The following VPS13B variants were observed in gnomAD, a reference collection of about 807,000 sequenced individuals.
VPS13B encodes the protein intermembrane lipid transfer protein VPS13B.
Under a neutral mutation model 426.4 loss-of-function variants are expected in VPS13B, and 285 were observed. The observed-to-expected ratio is 0.67, with a 90% confidence interval of 0.61 to 0.74. The LOEUF is 0.74. Ranked by LOEUF, VPS13B falls within the 30% of genes least tolerant of loss-of-function variation. VPS13B has a pLI of 0.00. For synonymous variants in VPS13B, 1,676 were observed against 1,676.4 expected, an observed-to-expected ratio of 1.00 and a Z score of 0.01; for missense variants, 4,537 against 4,782.6, an observed-to-expected ratio of 0.95 and a Z score of 1.51.
At chr8:99,741,937 A>T (rs1296192941) in intron 39 of VPS13B, among the ~76,000 whole-genome samples, 2 of 152,174 alleles carry the variant, frequency 1.3e-5, no homozygotes. Context: ...GAGCAAACAC[A>T]TTCAAAAGCT....
chr8:99,829,987 G>A (rs1240530302), intron 51 of VPS13B, among the ~76,000 whole-genome samples: 2 of 152,194 alleles, frequency 1.3e-5, no homozygotes, highest in East Asian at 3.9e-4. Flanking sequence ...TCCCAGAGGG[G>A]CACCCACCAG....
intron 30 of VPS13B, among the ~76,000 whole-genome samples, chr8:99,539,806 A>G (rs976211142): frequency 6.6e-5 from 10 of 151,488 alleles, no homozygotes; most frequent in African/African-American, 1.9e-4. Flanking sequence ...ATGCCTGCAA[A>G]TAAGTATTGA....
At chr8:99,100,797 C>G (rs1230543401) in intron 4 of VPS13B, among the ~76,000 whole-genome samples, 2 of 151,862 alleles carry the variant, frequency 1.3e-5, no homozygotes, top group Admixed American at 1.3e-4. Context: ...AATCCCAGTA[C>G]TTTGGGAGGC....
chr8:99,064,759 A>G (rs1468265399), intron 3 of VPS13B, among the ~76,000 whole-genome samples: 2 of 152,172 alleles, frequency 1.3e-5, no homozygotes, highest in African/African-American at 4.8e-5. Flanking sequence ...TATAGAGAAC[A>G]CCACAAAGAT....
Position 99,135,708 on chromosome 8 carries a change from T to G in VPS13B, c.1538T>G (p.Phe513Cys). Residue 513 changes from phenylalanine (F) to cysteine (C), a missense_variant, in exon 11 of 62, where the codon TTT (phenylalanine) becomes TGT (cysteine). By Grantham distance (205) the Phe-to-Cys change is radical (BLOSUM62 -2). This residue lies in a region of VPS13B where 4,311 missense variants were observed against 4,474.3 expected (regional missense o/e 0.96). Coordinates refer to ENST00000357162, the MANE Select transcript of VPS13B (RefSeq NM_152564.5). ...SPENNGTRAE[F>C]ILDSTHHKET... ...GAAAATAATGGTACTCGCGCAGAAT[T>G]TATCTTGGATTCAACTCATCATAAG... is the stretch of plus-strand genomic sequence containing the variant. The G allele has an allele frequency of 6.2e-7, 1 of 1,613,360 alleles. No individual in the cohort carries two copies. Among genetic ancestry groups the G allele is most frequent in the Non-Finnish European group, 8.5e-7 (1 of 1,179,464 alleles).
At chr8:99,857,345 CT>C (rs1816601095) in intron 56 of VPS13B, among the ~76,000 whole-genome samples, 1 of 152,216 alleles carries the variant, frequency 6.6e-6, no homozygotes, top group African/African-American at 2.4e-5. Flanking sequence ...CTACTCCTTT[CT>C]TTTATACATG....
chr8:99,143,289 A>G (rs557704981), intron 13 of VPS13B, 124 bp downstream of exon 13: 2 of 1,171,142 alleles, frequency 1.7e-6, no homozygotes, highest in African/African-American at 1.5e-5. Context: ...AAGGACTTTG[A>G]TATATGTAGC....
intron 17 of VPS13B, among the ~76,000 whole-genome samples, chr8:99,228,246 G>C (rs535030349): frequency 1.1e-4 from 16 of 152,088 alleles, no homozygotes; most frequent in African/African-American, 3.6e-4. Flanking sequence ...TTTTTTCATG[G>C]ATTACTTTTA....
Position 99,808,390 on chromosome 8 carries a change from C to A in VPS13B, c.7942-985C>A, listed in dbSNP as rs190186295. Among the ~76,000 whole-genome samples, 152 of 151,796 alleles carry A rather than the reference C, an allele frequency of 1.0e-3. 1 individual carries two copies. Among genetic ancestry groups the A allele is most frequent in the Non-Finnish European group, 1.7e-3 (114 of 67,930 alleles). The stretch of plus-strand genomic sequence containing the variant: ...AAAATTAGCCAGTCGTGGTGGCACA[C>A]CTGTAGTCCCAGCTACTCGGGAGGC... On this transcript the variant is annotated intron_variant, in intron 43 of 61. Coordinates refer to ENST00000357162, the MANE Select transcript of VPS13B (RefSeq NM_152564.5).
intron 51 of VPS13B, among the ~76,000 whole-genome samples, chr8:99,828,967 T>A (rs1814889200): frequency 6.6e-6 from 1 of 152,206 alleles, no homozygotes; most frequent in Non-Finnish European, 1.5e-5. Flanking sequence ...GGCCGAGAGA[T>A]CCACTGTTAG....
intron 39 of VPS13B, among the ~76,000 whole-genome samples, chr8:99,740,857 C>T (rs575066060): frequency 0.064 from 9,699 of 151,840 alleles, 435 homozygotes; most frequent in African/African-American, 0.13. Context: ...CAGTACCAGC[C>T]ACTGCAAAAT....
chr8:99,835,129 G>C, intron 52 of VPS13B, 68 bp from the exon 53 acceptor site: 1 of 1,602,888 alleles, frequency 6.2e-7, no homozygotes, highest in Non-Finnish European at 8.5e-7. Flanking sequence ...AAATAAACAT[G>C]TTCCAGAGGA....
At chr8:99,593,191 T>C (rs376370898) in intron 33 of VPS13B, among the ~76,000 whole-genome samples, 46 of 152,034 alleles carry the variant, frequency 3.0e-4, no homozygotes, top group African/African-American at 1.0e-3. Flanking sequence ...ATCCAGAGTC[T>C]ACAAGGAACT....
chr8:99,835,814 T>TA, intron 54 of VPS13B, 76 bp downstream of exon 54: 1 of 1,434,062 alleles, frequency 7.0e-7, no homozygotes, highest in Non-Finnish European at 9.7e-7. Flanking sequence ...TGCCTATTTT[T>TA]AAACATAATT....
intron 19 of VPS13B, among the ~76,000 whole-genome samples, chr8:99,333,790 G>A (rs1292908917): frequency 6.6e-6 from 1 of 151,890 alleles, no homozygotes; most frequent in African/African-American, 2.4e-5. Context: ...ACCTTTCTGG[G>A]ATTGGCTTTT....
chr8:99,264,245 T>C (rs1252511034), intron 17 of VPS13B, among the ~76,000 whole-genome samples: 1 of 152,022 alleles, frequency 6.6e-6, no homozygotes, highest in Non-Finnish European at 1.5e-5. Context: ...CCTGTTTTTC[T>C]GTTTGTTCCC....
chr8:99,460,817 A>T (rs1201203039), intron 23 of VPS13B, among the ~76,000 whole-genome samples: 2 of 152,162 alleles, frequency 1.3e-5, no homozygotes, highest in Admixed American at 6.5e-5. Context: ...CTCCAAATCA[A>T]GTGACCTCTC....
chr8:99,283,225 A>G (rs930266467), intron 19 of VPS13B, among the ~76,000 whole-genome samples: 4 of 152,232 alleles, frequency 2.6e-5, no homozygotes, highest in South Asian at 2.1e-4. Flanking sequence ...AGAACATATG[A>G]GTAAGAATGC....
chr8:99,467,956 T>C (rs959967097), intron 24 of VPS13B, among the ~76,000 whole-genome samples: 6 of 152,228 alleles, frequency 3.9e-5, no homozygotes, highest in Non-Finnish European at 8.8e-5. Context: ...TGATCGAGTG[T>C]AATTTTCATT....
Sources: allele counts gnomAD v4.1 joint callset (sites outside exome capture counted in the v4.1 genomes callset), GRCh38; gene constraint gnomAD v4.1.1; regional missense constraint gnomAD v4.1.1; transcripts MANE v1.5; gene names NCBI Gene and HGNC (gene_info 2026-07-23, HGNC 2026-07-21).